The following PCCA variants were observed in gnomAD, a reference collection of about 807,000 sequenced individuals.
The protein encoded by PCCA is propionyl-CoA carboxylase alpha chain, mitochondrial.
A neutral mutation model predicts 101.3 loss-of-function variants in PCCA; 74 were observed. That is an observed-to-expected ratio of 0.73 (90% CI 0.61 to 0.89). The LOEUF is 0.89. PCCA is among the 40% of genes least tolerant of loss of function. The pLI, the probability that PCCA is intolerant of heterozygous loss-of-function variation, is 0.00. For synonymous variants in PCCA, 294 were observed against 313.6 expected (o/e 0.94, Z 0.66); for missense variants, 891 against 907.0 (o/e 0.98, Z 0.23).
intron 22 of PCCA, among the ~76,000 whole-genome samples, chr13:100,519,409 G>A (rs952676225): frequency 4.6e-5 from 7 of 152,236 alleles, no homozygotes; most frequent in Non-Finnish European, 7.3e-5. Context: ...CCTTCAGCAG[G>A]GGACAGTGAG....
At chr13:100,516,360 A>G (rs895873270) in intron 22 of PCCA, among the ~76,000 whole-genome samples, 5 of 152,234 alleles carry the variant, frequency 3.3e-5, no homozygotes, top group Admixed American at 3.3e-4. Context: ...TGGGACTTAC[A>G]TTTTAGTGCC....
chr13:100,405,228 A>G lies in PCCA; in HGVS notation c.1747-20405A>G, dbSNP rs1042999239. The stretch of plus-strand genomic sequence containing the variant: ...CAAAGGAAACCTCGGAGTGATGGGC[A>G]TCCTATTTATTCCCATCCCCTGGCA... On this transcript the variant is annotated intron_variant, in intron 19 of 23. Coordinates refer to ENST00000376285, the MANE Select transcript of PCCA (RefSeq NM_000282.4). Among the ~76,000 whole-genome samples, 4 of 152,184 alleles carry G rather than the reference A, an allele frequency of 2.6e-5. No homozygotes were observed. In the East Asian group the frequency reaches 7.7e-4, roughly 29 times the overall value.
At chr13:100,144,800 A>T (rs1302452202) in intron 4 of PCCA, among the ~76,000 whole-genome samples, 1 of 152,170 alleles carries the variant, frequency 6.6e-6, no homozygotes, top group East Asian at 1.9e-4. Flanking sequence ...GGAAAATGGT[A>T]AAGAGTACTC....
At chr13:100,093,705 G>A (rs1566447415) in intron 1 of PCCA, among the ~76,000 whole-genome samples, 2 of 152,258 alleles carry the variant, frequency 1.3e-5, no homozygotes, top group East Asian at 3.9e-4. Context: ...CTTGAGCTCA[G>A]GAGTTTGAGA....
intron 18 of PCCA, among the ~76,000 whole-genome samples, chr13:100,368,176 GGCA>G (rs2075333833): frequency 6.6e-6 from 1 of 151,792 alleles, no homozygotes; most frequent in South Asian, 2.1e-4. Context: ...TGAAGTTTAA[GGCA>G]TGGCATACTT....
intron 6 of PCCA, among the ~76,000 whole-genome samples, chr13:100,178,520 T>G (rs1207442609): frequency 6.6e-6 from 1 of 152,194 alleles, no homozygotes; most frequent in Non-Finnish European, 1.5e-5. Context: ...TTAAGAATTT[T>G]GAGAGTGGTC....
chr13:100,111,970 G>A, intron 3 of PCCA, 23 bp from the exon 4 acceptor site: 1 of 1,542,944 alleles, frequency 6.5e-7, no homozygotes, highest in South Asian at 1.1e-5. Flanking sequence ...ACTATTAATA[G>A]ACATTAATAT....
chr13:100,130,565 G>A (rs2050402418), intron 4 of PCCA, among the ~76,000 whole-genome samples: 2 of 151,968 alleles, frequency 1.3e-5, no homozygotes, highest in Admixed American at 1.3e-4. Context: ...TGTAGAAATT[G>A]TTAAGTTGAG....
chr13:100,391,080 C>T lies in PCCA; in HGVS notation c.1746+22506C>T, dbSNP rs915698314. Among the ~76,000 whole-genome samples, 85 of 151,832 alleles carry T rather than the reference C, an allele frequency of 5.6e-4. 2 individuals carry two copies. Among genetic ancestry groups the T allele is most frequent in the Non-Finnish European group, 8.8e-5 (6 of 67,938 alleles). ...TCACCCAGGCTGGAGTGCAGTGGCA[C>T]GATCTTGGCTCACTGCAACCTCCAC... is the stretch of plus-strand genomic sequence containing the variant. On this transcript the variant is annotated intron_variant, in intron 19 of 23. Coordinates refer to ENST00000376285, the MANE Select transcript of PCCA (RefSeq NM_000282.4).
chr13:100,491,085 C>T (rs1323752601), intron 21 of PCCA: 2 of 148,970 alleles, frequency 1.3e-5, no homozygotes, highest in African/African-American at 2.6e-5. Flanking sequence ...TCAGGGAACC[C>T]TGCTTTAAGA....
chr13:100,145,012 T>C (rs757681349), intron 4 of PCCA, among the ~76,000 whole-genome samples: 4 of 152,210 alleles, frequency 2.6e-5, no homozygotes, highest in Middle Eastern at 3.4e-3. Context: ...TCAGTGTCCA[T>C]GAGGGAGCAG....
chr13:100,480,060 G>C (rs1220878576), intron 21 of PCCA, among the ~76,000 whole-genome samples: 3 of 152,228 alleles, frequency 2.0e-5, no homozygotes. Context: ...ATTTACTCTT[G>C]CTTCTAATAA....
chr13:100,385,029 T>C (rs960536130), intron 19 of PCCA, among the ~76,000 whole-genome samples: 4 of 152,184 alleles, frequency 2.6e-5, no homozygotes, highest in African/African-American at 9.6e-5. Context: ...GTTATGATCA[T>C]TAAACTACTT....
rs150352833 is a variant in PCCA at position 100,530,151 on chromosome 13, C to T, written c.2172C>T (p.Leu724=). Reference sequence around the variant, plus strand: ...ACACAGTTGGAGAAGGGGATCTGCTCGTGGAGCTGGAATGAAGGATTTATA... The same window carrying T: ...ACACAGTTGGAGAAGGGGATCTGCTTGTGGAGCTGGAATGAAGGATTTATA... The part of the protein sequence containing the change: ...AGDTVGEGDL[L]VELE The change falls in exon 24 of 24, where the codon CTC becomes CTT. Residue 724 remains leucine, a synonymous_variant. Transcript: ENST00000376285. 2,423 of 1,613,554 alleles carry T rather than the reference C, an allele frequency of 1.5e-3. 7 individuals are homozygous for T. Among genetic ancestry groups the T allele is most frequent in the Non-Finnish European group, 1.9e-3 (2,206 of 1,179,600 alleles).
chr13:100,408,178 GT>G (rs1276610974), intron 19 of PCCA, among the ~76,000 whole-genome samples: 12 of 152,152 alleles, frequency 7.9e-5, no homozygotes, highest in African/African-American at 2.9e-4. Flanking sequence ...TTGATAAGTT[GT>G]TTTAATTGTT....
intron 16 of PCCA, among the ~76,000 whole-genome samples, chr13:100,316,913 A>G (rs2152708047): frequency 6.6e-6 from 1 of 152,022 alleles, no homozygotes; most frequent in African/African-American, 2.4e-5. Flanking sequence ...AGCTGGGACT[A>G]CAGGGGTGCG....
chr13:100,092,336 T>C (rs2046354543), intron 1 of PCCA, among the ~76,000 whole-genome samples: 1 of 151,998 alleles, frequency 6.6e-6, no homozygotes, highest in Non-Finnish European at 1.5e-5. Context: ...TTGGCTGAAG[T>C]AGAATTTGAA....
chr13:100,435,639 T>C (rs938228709), intron 20 of PCCA, among the ~76,000 whole-genome samples: 1 of 152,234 alleles, frequency 6.6e-6, no homozygotes, highest in South Asian at 2.1e-4. Flanking sequence ...TAGAGGGTCA[T>C]GATTGCAAGT....
intron 18 of PCCA, among the ~76,000 whole-genome samples, chr13:100,363,406 A>T (rs923793988): frequency 1.3e-5 from 2 of 151,286 alleles, no homozygotes; most frequent in African/African-American, 4.9e-5. Flanking sequence ...GAGCCATGGG[A>T]GGGCTCCTTT....
Sources: gnomAD v4.1 joint callset for allele counts (sites outside exome capture counted in the v4.1 genomes callset) on GRCh38, gnomAD v4.1.1 for gene constraint, MANE v1.5 for transcripts, NCBI Gene and HGNC (gene_info 2026-07-23, HGNC 2026-07-21) for gene names.